Variants in SSH1 observed in about 807,000 individuals in gnomAD.
SSH1 encodes the protein protein phosphatase Slingshot homolog 1.
In SSH1, 43 loss-of-function variants were observed where a neutral mutation model predicts 79.7. The observed-to-expected ratio is 0.54, with a 90% confidence interval of 0.42 to 0.70. The LOEUF (loss-of-function observed/expected upper bound fraction) is 0.70. Ranked by LOEUF, SSH1 falls within the 30% of genes least tolerant of loss-of-function variation. The pLI is 0.00. For missense variants in SSH1, 1,206 were observed against 1,358.8 expected (o/e 0.89, Z 1.77); for synonymous variants, 599 against 538.3 (o/e 1.11, Z -1.56).
intron 2 of SSH1, among the ~76,000 whole-genome samples, chr12:108,851,779 T>C (rs1194311237): frequency 6.6e-6 from 1 of 152,172 alleles, no homozygotes; most frequent in Non-Finnish European, 1.5e-5. Flanking sequence ...GGGTTGAGTA[T>C]CTGTTTCAAA....
Position 108,782,174 on chromosome 12 carries a change from A to AG in SSH1, c.*5813dup, listed in dbSNP as rs1414019999. The AG allele has an allele frequency of 2.6e-5, 4 of 150,982 alleles. No individual in the cohort carries two copies. The highest frequency in any genetic ancestry group is 9.7e-5 in the African/African-American group (4 of 41,084). The allele number at this position is 150,982 out of a possible 1,614,324, so 9.4% of individuals were successfully genotyped here. A position where few individuals can be genotyped will look rare whatever the true frequency, so the allele number is the denominator to read the frequency against. On this transcript the variant is annotated 3_prime_UTR_variant, in exon 15 of 15. Transcript: ENST00000326495. ...AAATTAAAAAAAAAAAAATGGAAGC[A>AG]GCTCTGCCTCCTGAGTGTCCAAGGG...
At chr12:108,849,675 T>C (rs80118142) in intron 2 of SSH1, among the ~76,000 whole-genome samples, 4,413 of 151,426 alleles carry the variant, frequency 0.029, 154 homozygotes, top group African/African-American at 0.082. Flanking sequence ...CACTATGCTA[T>C]AAGCTATTAA....
At chr12:108,820,664 G>A (rs1430889020) in intron 3 of SSH1, among the ~76,000 whole-genome samples, 2 of 152,160 alleles carry the variant, frequency 1.3e-5, no homozygotes, top group Admixed American at 1.3e-4. Context: ...CAAATTGACT[G>A]GACTGGCTGA....
In SSH1 at chr12:108,807,617, G is replaced by A. The variant is rs746602972; in HGVS notation, c.731+16C>T. ...TGTGGGCTTGGGTGCGCTCACACCAGAGGCACCTCACTTACTTGTCCACAA... is the reference window on the plus strand; with the variant it reads ...TGTGGGCTTGGGTGCGCTCACACCAAAGGCACCTCACTTACTTGTCCACAA... On this transcript the variant is annotated intron_variant, in intron 8 of 14. Transcript: ENST00000326495. This position sits in a 1 kb window ranked among gnomAD's most constrained non-coding sequence, Gnocchi z 5.2. 1.2e-6 allele frequency: 2 copies of A among 1,611,892 alleles called. No individual in the cohort carries two copies. The highest frequency in any genetic ancestry group is 1.7e-6 in the Non-Finnish European group (2 of 1,178,800).
chr12:108,820,402 C>T (rs1286263315), intron 3 of SSH1, among the ~76,000 whole-genome samples: 5 of 152,320 alleles, frequency 3.3e-5, no homozygotes, highest in East Asian at 1.9e-4. Context: ...ACAACGACAA[C>T]GACCATGAGC....
rs781740216 is a variant in SSH1, at chr12:108,852,654, G to A, written c.94C>T (p.Arg32Ter). 3.7e-6 allele frequency: 6 copies of A among 1,614,008 alleles called. No homozygotes were observed. Among genetic ancestry groups the A allele is most frequent in the Admixed American group, 1.7e-5 (1 of 59,992 alleles). The change falls in exon 2 of 15, where the codon CGA becomes TGA. Residue 32 changes from arginine to a stop codon, truncating the protein, a stop_gained. Coordinates refer to ENST00000326495, the MANE Select transcript of SSH1 (RefSeq NM_018984.4). LOFTEE classifies it high-confidence loss of function. The stretch of plus-strand genomic sequence containing the variant: ...TCTGCTTACCTGAGGTTTAATTTTC[G>A]ATCTTCTTCGCTGCCAGCCTCCAAC... ...SELEAGSEED[R>*]KLNLSLSESF... is the part of the protein sequence containing the mutation.
At chr12:108,846,206 C>A (rs2038896393) in intron 2 of SSH1, among the ~76,000 whole-genome samples, 2 of 152,178 alleles carry the variant, frequency 1.3e-5, no homozygotes, top group African/African-American at 2.4e-5. Flanking sequence ...CTCGCTCTGG[C>A]CCAAACCTTT....
At chr12:108,814,894 T>C (rs1034161065) in intron 5 of SSH1, among the ~76,000 whole-genome samples, 1 of 152,088 alleles carries the variant, frequency 6.6e-6, no homozygotes, top group African/African-American at 2.4e-5. Flanking sequence ...CGGGCCAGTC[T>C]CCTCCAGCCA....
chr12:108,825,580 GCAATTGGTTTTCGATATCTTGTGACAC>G (rs548948713), intron 2 of SSH1, among the ~76,000 whole-genome samples: 21 of 152,292 alleles, frequency 1.4e-4, no homozygotes, highest in Admixed American at 1.4e-3. Flanking sequence ...TGAATTCCAG[GCAATTGGTTTTCGATATCTTGTGACAC>G]CAATACTTGA....
chr12:108,789,419 G>C (rs2036409943), intron 14 of SSH1, among the ~76,000 whole-genome samples, 175 bp from the exon 15 acceptor site: 1 of 152,264 alleles, frequency 6.6e-6, no homozygotes, highest in African/African-American at 2.4e-5. Context: ...ACTTGATCGA[G>C]AATAACCACT....
chr12:108,855,499 A>T (rs1271766442), intron 1 of SSH1, among the ~76,000 whole-genome samples: 6 of 152,222 alleles, frequency 3.9e-5, no homozygotes, highest in Non-Finnish European at 7.3e-5. Context: ...TATGGTATGT[A>T]ACTAAAAAAT....
In SSH1 at chr12:108,807,591, C is replaced by T; in HGVS notation, c.731+42G>A. On this transcript the variant is annotated intron_variant, in intron 8 of 14. Coordinates refer to ENST00000326495, the MANE Select transcript of SSH1 (RefSeq NM_018984.4). The surrounding 1 kb of genome is among the most constrained non-coding windows in gnomAD (Gnocchi z 5.2). ...GGGCAGGTGGGGGAGAGGCAGGTGC[C>T]TGTGGGCTTGGGTGCGCTCACACCA... is the stretch of plus-strand genomic sequence containing the variant. The T allele has an allele frequency of 6.2e-7, 1 of 1,601,240 alleles. No individual in the cohort carries two copies. The highest frequency in any genetic ancestry group is 8.5e-7 in the Non-Finnish European group (1 of 1,170,252).
In SSH1 at chr12:108,853,071, C is replaced by G. The variant is rs1035885399; in HGVS notation, c.70-393G>C. On this transcript the variant is annotated intron_variant, in intron 1 of 14. Coordinates refer to ENST00000326495, the MANE Select transcript of SSH1 (RefSeq NM_018984.4). ...ATGTTTAAAGAGAATCCACTTCCTC[C>G]GCAGAGCCAGGCAATAACAGCTGAG... 4.3e-5 allele frequency: 42 copies of G among 985,196 alleles called. No individual in the cohort carries two copies. The African/African-American group carries it at 6.6e-4, about 16-fold the overall frequency. 61.0% of individuals were successfully genotyped at this position (985,196 alleles called of 1,614,324 possible).
At chr12:108,792,239 G>A in intron 14 of SSH1, 47 bp downstream of exon 14, 1 of 1,614,082 alleles carries the variant, frequency 6.2e-7, no homozygotes, top group Non-Finnish European at 8.5e-7. Flanking sequence ...ATTAGAGTGG[G>A]ATGGAAGGGA....
chr12:108,812,423 C>G (rs564325211), intron 5 of SSH1, among the ~76,000 whole-genome samples: 1 of 152,348 alleles, frequency 6.6e-6, no homozygotes, highest in South Asian at 2.1e-4. Context: ...AAGACCCAAC[C>G]TGAGCCCTGA....
At chr12:108,810,787 G>A (rs563751410) in intron 6 of SSH1, among the ~76,000 whole-genome samples, 72 of 152,306 alleles carry the variant, frequency 4.7e-4, no homozygotes, top group African/African-American at 1.5e-3. Context: ...CTGCCTGCCC[G>A]GGTGGAACTG....
rs753412004 is a variant in SSH1, at chr12:108,784,856, CCAATT to C, written c.*3127_*3131del. 6.6e-6 allele frequency: 1 copy of C among 152,068 alleles called. No individual in the cohort carries two copies. The highest frequency in any genetic ancestry group is 1.5e-5 in the Non-Finnish European group (1 of 68,034). The allele number at this position is 152,068 out of a possible 1,614,324, so 9.4% of individuals were successfully genotyped here. ...TGATTTAGAAAATGTTCCTTTTGTCCCAATTCAACAAATGCATTCAATGAAAATGA... is the reference window on the plus strand; with the variant it reads ...TGATTTAGAAAATGTTCCTTTTGTCCCAACAAATGCATTCAATGAAAATGA... On this transcript the variant is annotated 3_prime_UTR_variant, in exon 15 of 15. Coordinates refer to ENST00000326495, the MANE Select transcript of SSH1 (RefSeq NM_018984.4).
In SSH1 at chr12:108,785,863, T is replaced by C. The variant is rs565164485; in HGVS notation, c.*2125A>G. On this transcript the variant is annotated 3_prime_UTR_variant, in exon 15 of 15. Transcript: ENST00000326495. ...ATTTGGCAAAACATACCGAACTTGA[T>C]ATTTTTTGAGGCTATGCTTTTGTTG... 5.9e-5 allele frequency: 9 copies of C among 152,352 alleles called. No homozygotes were observed. In the East Asian group the frequency reaches 1.7e-3, roughly 29 times the overall value. 9.4% of individuals were successfully genotyped at this position (152,352 alleles called of 1,614,324 possible).
intron 14 of SSH1, 82 bp from the exon 15 acceptor site, chr12:108,789,326 G>C: frequency 1.4e-6 from 2 of 1,462,460 alleles, no homozygotes; most frequent in Non-Finnish European, 1.9e-6. Context: ...GCAGGGAAAG[G>C]GGTGCGAGGC....
Sources: gnomAD v4.1 joint callset for allele counts (sites outside exome capture counted in the v4.1 genomes callset) on GRCh38, gnomAD v4.1.1 for gene constraint, Gnocchi (gnomAD v3.1) non-coding constraint, MANE v1.5 for transcripts, NCBI Gene and HGNC (gene_info 2026-07-23, HGNC 2026-07-21) for gene names.